Variants in SEC24B observed in about 807,000 individuals in gnomAD.
SEC24B encodes the protein protein transport protein Sec24B.
SEC24B carries 45 observed loss-of-function variants against 142.8 expected under a neutral mutation model. The observed-to-expected ratio is 0.32, with a 90% confidence interval of 0.25 to 0.40. SEC24B has a LOEUF of 0.40. Ranked by LOEUF, SEC24B falls within the 10% of genes least tolerant of loss-of-function variation. The probability of loss-of-function intolerance (pLI) is 1.00; values close to 1 mark genes in which losing one functional copy is unlikely to be tolerated. For missense variants in SEC24B, 1,409 were observed against 1,526.8 expected (o/e 0.92, Z 1.29); for synonymous variants, 574 against 568.2 (o/e 1.01, Z -0.15).
intron 15 of SEC24B, 127 bp from the exon 16 acceptor site, chr4:109,525,219 T>G (rs1724085522): frequency 7.5e-6 from 6 of 799,314 alleles, no homozygotes; most frequent in Non-Finnish European, 1.1e-5. Flanking sequence ...GATTTGTATG[T>G]TCTTATTTTG....
At chr4:109,445,280 G>A (rs1243358582) in intron 1 of SEC24B, among the ~76,000 whole-genome samples, 10 of 97,804 alleles carry the variant, frequency 1.0e-4, no homozygotes, top group Non-Finnish European at 1.9e-5. Flanking sequence ...GTCTTGTTCT[G>A]TCGCCCAGAC....
chr4:109,506,436 AT>A lies in SEC24B; in HGVS notation c.1601del (p.Leu534TyrfsTer3). ...TGTAAACCTTACTCAGGAGAGGAAT[AT>A]TTTACCTATGACTCCTGTTTGGGCT... Reference protein sequence around the residue: ...RPVNLTQERNILPMTPVWAPV... With the variant: ...RPVNLTQERNXLPMTPVWAPV... On this transcript the variant is annotated frameshift_variant, in exon 7 of 24. Transcript: ENST00000265175. LOFTEE classifies it high-confidence loss of function. 6.2e-7 allele frequency: 1 copy of A among 1,610,008 alleles called. No homozygotes were observed. The highest frequency in any genetic ancestry group is 8.5e-7 in the Non-Finnish European group (1 of 1,177,818).
At chr4:109,483,407 A>C (rs1358883405) in intron 4 of SEC24B, among the ~76,000 whole-genome samples, 2 of 152,108 alleles carry the variant, frequency 1.3e-5, no homozygotes, top group African/African-American at 4.8e-5. Context: ...AATTTTGTAC[A>C]TGATACAGAG....
chr4:109,472,739 T>C (rs994390991), intron 2 of SEC24B, among the ~76,000 whole-genome samples: 1 of 152,030 alleles, frequency 6.6e-6, no homozygotes, highest in East Asian at 1.9e-4. Flanking sequence ...TTAGGAAAAT[T>C]GTCATTAAAG....
chr4:109,477,105 C>G (rs1733245535), intron 3 of SEC24B, among the ~76,000 whole-genome samples: 1 of 144,710 alleles, frequency 6.9e-6, no homozygotes, highest in South Asian at 2.2e-4. Context: ...CCACTGCACT[C>G]CAGCCTGGGC....
intron 8 of SEC24B, among the ~76,000 whole-genome samples, chr4:109,510,952 T>A (rs977982562): frequency 1.3e-5 from 2 of 152,068 alleles, no homozygotes; most frequent in African/African-American, 4.8e-5. Flanking sequence ...TGAAGCTTAC[T>A]TTACTACCAG....
intron 4 of SEC24B, among the ~76,000 whole-genome samples, chr4:109,485,716 A>G (rs538628421): frequency 1.3e-5 from 2 of 152,334 alleles, no homozygotes; most frequent in East Asian, 3.9e-4. Flanking sequence ...AATTTATTTC[A>G]TATGTACAGA....
In SEC24B at chr4:109,521,452, C is replaced by T. The variant is rs766062262; in HGVS notation, c.2334C>T (p.Asn778=). 22 of 1,613,906 alleles carry T rather than the reference C, an allele frequency of 1.4e-5. No homozygotes were observed. The South Asian group carries it at 2.0e-4, about 14-fold the overall frequency. The change falls in exon 14 of 24, where the codon AAC becomes AAT. Residue 778 remains asparagine (N), a synonymous_variant. Coordinates refer to ENST00000265175, the MANE Select transcript of SEC24B (RefSeq NM_006323.5). ...LIKDLLNALP[N]MFTNTRETHS... is the part of the protein sequence containing the mutation. ...AAGACTTACTGAATGCATTACCAAACATGTTCACCAATACAAGAGAAACAC... is the reference window on the plus strand; with the variant it reads ...AAGACTTACTGAATGCATTACCAAATATGTTCACCAATACAAGAGAAACAC...
At position 109,433,946 on chromosome 4, in the gene SEC24B, C is replaced by T. The variant is rs1189407493; in HGVS notation, c.77C>T (p.Ser26Leu). 3.7e-5 allele frequency: 46 copies of T among 1,252,590 alleles called. No individual in the cohort carries two copies. Among genetic ancestry groups the T allele is most frequent in the Non-Finnish European group, 4.4e-5 (44 of 1,000,916 alleles). 77.6% of individuals were successfully genotyped at this position (1,252,590 alleles called of 1,614,324 possible). ...IPPKFGGAAV[S>L]GAAAPAGPGA... ...CCCAAGTTCGGCGGAGCGGCCGTCT[C>T]AGGAGCCGCAGCGCCCGCGGGCCCG... Residue 26 changes from serine to leucine, a missense_variant, in exon 1 of 24, where the codon TCA (serine) becomes TTA (leucine). By Grantham distance (145) the Ser-to-Leu change is moderately radical (BLOSUM62 -2). Transcript: ENST00000265175.
chr4:109,455,828 C>G (rs976599999), intron 1 of SEC24B, among the ~76,000 whole-genome samples: 3 of 152,050 alleles, frequency 2.0e-5, no homozygotes, highest in African/African-American at 7.2e-5. Context: ...GTGAGTCTTC[C>G]AACTTTGTTC....
At chr4:109,482,392 T>TA (rs771750984) in intron 4 of SEC24B, among the ~76,000 whole-genome samples, 5 of 152,212 alleles carry the variant, frequency 3.3e-5, no homozygotes, top group Admixed American at 6.5e-5. Flanking sequence ...AGAACACTGC[T>TA]AAAAAATTAA....
Position 109,433,994 on chromosome 4 carries a change from A to G in SEC24B, c.125A>G (p.Gln42Arg), listed in dbSNP as rs1728118428. Residue 42 changes from glutamine (Q) to arginine (R), a missense_variant, in exon 1 of 24, where the codon CAG (glutamine) becomes CGG (arginine). By Grantham distance (43) the Gln-to-Arg change is conservative (BLOSUM62 1). Around this residue, in one of 2 missense-constraint regions of SEC24B, gnomAD observed 709 missense variants for 673.5 expected, o/e 1.05. Transcript: ENST00000265175. The stretch of plus-strand genomic sequence containing the variant: ...CCGGGTGCGGGCCCGGCGCCGCACC[A>G]GCAGAACGGTGAGGCGGGCGGCCCG... ...AGPGAGPAPHQQNGPAQNQMQ... is the reference protein window; with the variant it reads ...AGPGAGPAPHRQNGPAQNQMQ... 8.5e-7 allele frequency: 1 copy of G among 1,179,318 alleles called. No individual in the cohort carries two copies. Among genetic ancestry groups the G allele is most frequent in the East Asian group, 3.8e-5 (1 of 26,568 alleles). 73.1% of individuals were successfully genotyped at this position (1,179,318 alleles called of 1,614,324 possible). A position where few individuals can be genotyped will look rare whatever the true frequency, so the allele number is the denominator to read the frequency against.
chr4:109,517,963 A>G (rs1723143786), intron 11 of SEC24B, among the ~76,000 whole-genome samples: 1 of 150,804 alleles, frequency 6.6e-6, no homozygotes, highest in African/African-American at 2.5e-5. Context: ...TTATTTATTT[A>G]TTTATTTATT....
chr4:109,525,044 G>C (rs1467790823), intron 15 of SEC24B, 103 bp downstream of exon 15: 1 of 1,052,270 alleles, frequency 9.5e-7, no homozygotes, highest in Non-Finnish European at 1.4e-6. Context: ...AGGGAGAAAA[G>C]CATGTGCATT....
chr4:109,478,011 G>A (rs772174601), intron 3 of SEC24B, among the ~76,000 whole-genome samples: 15 of 152,250 alleles, frequency 9.9e-5, no homozygotes, highest in African/African-American at 1.2e-4. Context: ...ACTGGGCATG[G>A]TGGCTCACGC....
At chr4:109,521,090 TG>T (rs1285461516) in intron 12 of SEC24B, 26 bp from the exon 13 acceptor site, 4 of 1,374,286 alleles carry the variant, frequency 2.9e-6, no homozygotes, top group Non-Finnish European at 4.1e-6. Flanking sequence ...TTCGATTTGT[TG>T]ATTAAAATAT....
chr4:109,480,625 C>T lies in SEC24B; in HGVS notation c.1061-1052C>T, dbSNP rs547370925. ...CCTCCCAAGTAGCTGGGACTACAGG[C>T]GTGCGCCACCACGCCCAGCTAATTT... On this transcript the variant is annotated intron_variant, in intron 3 of 23. Coordinates refer to ENST00000265175, the MANE Select transcript of SEC24B (RefSeq NM_006323.5). Among the ~76,000 whole-genome samples the T allele has an allele frequency of 4.6e-5, 7 of 152,218 alleles. No individual in the cohort carries two copies. The South Asian group carries it at 1.2e-3, about 27-fold the overall frequency.
intron 1 of SEC24B, among the ~76,000 whole-genome samples, chr4:109,459,512 T>G (rs1032840468): frequency 6.6e-6 from 1 of 152,250 alleles, no homozygotes; most frequent in Non-Finnish European, 1.5e-5. Context: ...TCAGATACTT[T>G]TTTATACATT....
chr4:109,506,690 C>T (rs1033535649), intron 7 of SEC24B, among the ~76,000 whole-genome samples, 178 bp downstream of exon 7: 2 of 152,152 alleles, frequency 1.3e-5, no homozygotes, highest in African/African-American at 2.4e-5. Flanking sequence ...GTTCCCATCT[C>T]TGTCTCAATC....
Sources: gnomAD v4.1 joint callset for allele counts (sites outside exome capture counted in the v4.1 genomes callset) on GRCh38, gnomAD v4.1.1 for gene constraint, gnomAD v4.1.1 regional missense constraint, MANE v1.5 for transcripts, NCBI Gene and HGNC (gene_info 2026-07-23, HGNC 2026-07-21) for gene names.